The following RTN4 variants were observed in gnomAD, a reference collection of about 807,000 sequenced individuals.
The protein encoded by RTN4 is reticulon-4.
Under a neutral mutation model 90.4 loss-of-function variants are expected in RTN4, and 32 were observed. The observed-to-expected ratio is 0.35, with a 90% CI of 0.27 to 0.48. RTN4 has a LOEUF of 0.48. Among genes scored for constraint, RTN4 ranks in the 20% least tolerant of loss-of-function variants. RTN4 has a pLI of 0.99. For missense variants in RTN4, 1,706 were observed against 1,430.2 expected (o/e 1.19, Z -3.11); for synonymous variants, 629 against 552.5 (o/e 1.14, Z -1.94).
At chr2:54,999,697 T>A (rs1351300258) in intron 3 of RTN4, among the ~76,000 whole-genome samples, 1 of 152,090 alleles carries the variant, frequency 6.6e-6, no homozygotes, top group Non-Finnish European at 1.5e-5. Context: ...TAATAATAAG[T>A]AATTATATAT....
intron 1 of RTN4, among the ~76,000 whole-genome samples, chr2:55,044,101 T>G (rs1683253927): frequency 6.6e-6 from 1 of 150,930 alleles, no homozygotes; most frequent in African/African-American, 2.4e-5. Flanking sequence ...GAGGCTGAGG[T>G]GGCAGGATCA....
chr2:55,114,004 T>C (rs1668081191), upstream of RTN4, among the ~76,000 whole-genome samples: 1 of 152,244 alleles, frequency 6.6e-6, no homozygotes, highest in African/African-American at 2.4e-5. Context: ...GCCTCACAAA[T>C]TTGCTTTGGA....
chr2:55,044,917 C>T (rs1189271155), intron 1 of RTN4, among the ~76,000 whole-genome samples: 1 of 151,454 alleles, frequency 6.6e-6, no homozygotes, highest in Non-Finnish European at 1.5e-5. Flanking sequence ...TAAGAAATGG[C>T]TTAACCAGAA....
Position 55,049,792 on chromosome 2 carries a change from G to A in RTN4, c.509C>T (p.Pro170Leu), listed in dbSNP as rs200650924. 3.4e-5 allele frequency: 45 copies of A among 1,310,916 alleles called. No individual in the cohort carries two copies. The African/African-American group carries it at 5.4e-4, about 16-fold the overall frequency. 81.2% of individuals were successfully genotyped at this position (1,310,916 alleles called of 1,614,324 possible). The change falls in exon 1 of 9, where the codon CCC becomes CTC. Residue 170 changes from proline to leucine, a missense_variant. By Grantham distance (98) the Pro-to-Leu change is moderately conservative. Coordinates refer to ENST00000337526, the MANE Select transcript of RTN4 (RefSeq NM_020532.5). ...TPPAPAPAAP[P>L]STPAAPKRRG... is the part of the protein sequence containing the mutation. ...GCGCTTGGGCGCGGCCGGGGTGGAG[G>A]GGGGCGCGGCGGGAGCCGGGGCTGG... is the stretch of plus-strand genomic sequence containing the variant.
intron 1 of RTN4, among the ~76,000 whole-genome samples, chr2:55,035,357 T>C (rs936471112): frequency 6.6e-6 from 1 of 152,144 alleles, no homozygotes; most frequent in South Asian, 2.1e-4. Flanking sequence ...TATCCTCAAA[T>C]GTTTAAAAAC....
chr2:55,044,381 ACT>A (rs1306910427), intron 1 of RTN4, among the ~76,000 whole-genome samples: 1 of 151,688 alleles, frequency 6.6e-6, no homozygotes, highest in Non-Finnish European at 1.5e-5. Context: ...ACAGAGTAAG[ACT>A]CTGTCTCAAA....
intron 1 of RTN4, among the ~76,000 whole-genome samples, chr2:55,096,171 A>G (rs1241661359): frequency 1.3e-5 from 2 of 152,158 alleles, no homozygotes; most frequent in African/African-American, 4.8e-5. Context: ...TACTAAAAAT[A>G]CAAAATTAGC....
At position 54,974,765 on chromosome 2, in the gene RTN4, CTA is replaced by C. The variant is rs766099508; in HGVS notation, c.3361-3_3361-2del. 6.2e-7 allele frequency: 1 copy of C among 1,612,812 alleles called. No homozygotes were observed. Among genetic ancestry groups the C allele is most frequent in the East Asian group, 2.2e-5 (1 of 44,866 alleles). ...TAAATACCCACATCAACACTGCAAA[CTA>C]TAAGAAAATAACATTAGCCCATTAT... On this transcript the variant is annotated splice_acceptor_variant and splice_polypyrimidine_tract_variant and intron_variant, in intron 5 of 8. Coordinates refer to ENST00000337526, the MANE Select transcript of RTN4 (RefSeq NM_020532.5). LOFTEE classifies it high-confidence loss of function.
chr2:55,011,620 C>G (rs10189094), intron 3 of RTN4, among the ~76,000 whole-genome samples: 49,917 of 152,024 alleles, frequency 0.33, 9,298 homozygotes, highest in African/African-American at 0.5. Flanking sequence ...AACCTGCTAT[C>G]TGTGGGCTGC....
chr2:55,002,791 A>T (rs1653415284), intron 3 of RTN4, among the ~76,000 whole-genome samples: 1 of 152,152 alleles, frequency 6.6e-6, no homozygotes, highest in Non-Finnish European at 1.5e-5. Context: ...ACGATTTTTC[A>T]ATTGTAAAGA....
At chr2:55,117,642 G>T in the RTN4 span, among the ~76,000 whole-genome samples, 3 of 152,206 alleles carry the variant, frequency 2.0e-5, no homozygotes, top group Non-Finnish European at 2.9e-5. Flanking sequence ...AAAGCTTCAT[G>T]AAATCTCACA....
the RTN4 span, among the ~76,000 whole-genome samples, chr2:55,135,180 T>G: frequency 6.6e-6 from 1 of 150,796 alleles, no homozygotes; most frequent in South Asian, 2.1e-4. Context: ...CTAGTAATTT[T>G]TATATTGATT....
chr2:55,050,274 C>G lies in RTN4; in HGVS notation c.27G>C (p.Leu9=). Residue 9 remains leucine (L), a synonymous_variant, in exon 1 of 9, where the codon CTG becomes CTC. Transcript: ENST00000337526. The surrounding 1 kb of genome is among the most constrained non-coding windows in gnomAD (Gnocchi z 4.6). MEDLDQSP[L]VSSSDSPPRP... ...GGGGTGGGCTGTCCGAGGACGAGAC[C>G]AGAGGAGACTGGTCCAGGTCTTCCA... 1 of 1,495,428 alleles carries G rather than the reference C, an allele frequency of 6.7e-7. No individual in the cohort carries two copies. Among genetic ancestry groups the G allele is most frequent in the Non-Finnish European group, 8.9e-7 (1 of 1,122,630 alleles). The allele number at this position is 1,495,428 out of a possible 1,614,324, so 92.6% of individuals were successfully genotyped here. A position where few individuals can be genotyped will look rare whatever the true frequency, so the allele number is the denominator to read the frequency against.
chr2:55,121,365 C>T, the RTN4 span, among the ~76,000 whole-genome samples: 1 of 152,312 alleles, frequency 6.6e-6, no homozygotes, highest in East Asian at 1.9e-4. Context: ...CAAGGAATTG[C>T]CCTGGTAAGA....
At position 54,984,869 on chromosome 2, in the gene RTN4, A is replaced by G. The variant is rs570249665; in HGVS notation, c.3222-2216T>C. On this transcript the variant is annotated intron_variant, in intron 4 of 8. Coordinates refer to ENST00000337526, the MANE Select transcript of RTN4 (RefSeq NM_020532.5). ...GCCTGTAGTCCCAGCTACTTGGGAC[A>G]TTGAGGCAGGAGGATTGCTTGAGTC... Among the ~76,000 whole-genome samples, 5 of 152,306 alleles carry G rather than the reference A, an allele frequency of 3.3e-5. No individual in the cohort carries two copies. In the East Asian group the frequency reaches 9.6e-4, roughly 29 times the overall value.
chr2:55,076,671 G>T (rs572086408), intron 2 of RTN4, among the ~76,000 whole-genome samples: 1 of 152,148 alleles, frequency 6.6e-6, no homozygotes, highest in African/African-American at 2.4e-5. Flanking sequence ...TGGGATTACA[G>T]GCGAGAGCCA....
chr2:55,016,698 A>G (rs765284871), intron 3 of RTN4, among the ~76,000 whole-genome samples: 8 of 152,178 alleles, frequency 5.3e-5, no homozygotes, highest in Non-Finnish European at 7.3e-5. Context: ...TTTCATCTCA[A>G]TGCTTTTCTA....
At chr2:55,015,588 A>T (rs1159333156) in intron 3 of RTN4, among the ~76,000 whole-genome samples, 1 of 152,216 alleles carries the variant, frequency 6.6e-6, no homozygotes, top group Non-Finnish European at 1.5e-5. Context: ...ATCACAGAAG[A>T]AATACAAACT....
At chr2:55,118,706 C>T in the RTN4 span, among the ~76,000 whole-genome samples, 20 of 152,320 alleles carry the variant, frequency 1.3e-4, no homozygotes, top group Admixed American at 2.6e-4. Flanking sequence ...AGCCATGCAA[C>T]CAGCCATCAG....
Sources: allele counts gnomAD v4.1 joint callset (sites outside exome capture counted in the v4.1 genomes callset), GRCh38; gene constraint gnomAD v4.1.1; non-coding constraint Gnocchi (gnomAD v3.1); transcripts MANE v1.5; gene names NCBI Gene and HGNC (gene_info 2026-07-23, HGNC 2026-07-21).